Variants in CA10 observed in about 807,000 individuals in gnomAD.
The protein encoded by CA10 is carbonic anhydrase 10 (inactive).
CA10 carries 14 observed loss-of-function variants against 44.2 expected under a neutral mutation model. The observed-to-expected ratio is 0.32, with a 90% CI of 0.21 to 0.50. CA10 has a LOEUF of 0.50. Ranked by LOEUF, CA10 falls within the 20% of genes least tolerant of loss-of-function variation. The pLI is 0.99. For synonymous variants in CA10, 159 were observed against 141.6 expected, an observed-to-expected ratio of 1.12 and a Z score of -0.87; for missense variants, 350 against 409.7, an observed-to-expected ratio of 0.85 and a Z score of 1.26.
chr17:52,056,562 G>C (rs1408615454), intron 2 of CA10, among the ~76,000 whole-genome samples: 3 of 152,020 alleles, frequency 2.0e-5, no homozygotes, highest in Non-Finnish European at 2.9e-5. Flanking sequence ...TTTTAAGACT[G>C]TTATAGAAAC....
chr17:51,789,046 AT>A (rs948207763), intron 3 of CA10, among the ~76,000 whole-genome samples: 240 of 152,196 alleles, frequency 1.6e-3, no homozygotes, highest in African/African-American at 5.4e-3. Flanking sequence ...GTCTCTCTCA[AT>A]CACCCAGGCT....
At chr17:51,649,926 G>A (rs988255232) in intron 5 of CA10, among the ~76,000 whole-genome samples, 17 of 149,716 alleles carry the variant, frequency 1.1e-4, no homozygotes, top group Non-Finnish European at 1.6e-4. Flanking sequence ...TGCATGAATT[G>A]AGTATATCAT....
chr17:51,781,981 G>A (rs1471818528), intron 3 of CA10, among the ~76,000 whole-genome samples: 1 of 152,138 alleles, frequency 6.6e-6, no homozygotes, highest in Non-Finnish European at 1.5e-5. Context: ...GGCAGGACTG[G>A]GATTTGACTT....
intron 1 of CA10, among the ~76,000 whole-genome samples, chr17:52,149,501 T>A (rs1989658823): frequency 6.6e-6 from 1 of 152,172 alleles, no homozygotes; most frequent in Non-Finnish European, 1.5e-5. Flanking sequence ...ATAAAAGTGA[T>A]CCTAGATCAT....
chr17:51,901,279 G>A (rs1039415371), intron 3 of CA10, among the ~76,000 whole-genome samples: 2 of 152,048 alleles, frequency 1.3e-5, no homozygotes, highest in African/African-American at 4.8e-5. Context: ...TATTTTAGGG[G>A]GCAAAGGCTC....
chr17:51,807,712 A>C lies in CA10; in HGVS notation c.280-59894T>G, dbSNP rs1452250859. 2.0e-5 allele frequency among the ~76,000 whole-genome samples: 3 copies of C among 152,240 alleles called. No individual in the cohort carries two copies. The East Asian group carries it at 5.8e-4, about 29-fold the overall frequency. The stretch of plus-strand genomic sequence containing the variant: ...AATGAACTACTGCTTCACAAAACAA[A>C]CATGGGTAAATCTTAACAGATACAA... On this transcript the variant is annotated intron_variant, in intron 3 of 8. Coordinates refer to ENST00000451037, the MANE Select transcript of CA10 (RefSeq NM_020178.5).
At chr17:51,785,946 A>G (rs534165678) in intron 3 of CA10, among the ~76,000 whole-genome samples, 3 of 152,326 alleles carry the variant, frequency 2.0e-5, no homozygotes, top group South Asian at 4.1e-4. Context: ...AACATGGAAT[A>G]TCTTTCCACT....
At chr17:52,023,831 G>A (rs912811882) in intron 2 of CA10, among the ~76,000 whole-genome samples, 2 of 152,010 alleles carry the variant, frequency 1.3e-5, no homozygotes, top group African/African-American at 4.8e-5. Flanking sequence ...TGTGTTGAAT[G>A]AAGTCTGCAT....
intron 4 of CA10, among the ~76,000 whole-genome samples, chr17:51,696,327 C>T (rs1420044243): frequency 3.9e-5 from 6 of 152,168 alleles, no homozygotes; most frequent in African/African-American, 1.4e-4. Context: ...TTTTAAATTA[C>T]TGATTCAATT....
At chr17:51,664,813 A>G (rs8066303) in intron 4 of CA10, among the ~76,000 whole-genome samples, 124,331 of 152,202 alleles carry the variant, frequency 0.82, 51,119 homozygotes, top group Middle Eastern at 0.86. Flanking sequence ...TATTCATAAA[A>G]GTTTATAGCT....
intron 3 of CA10, among the ~76,000 whole-genome samples, chr17:51,769,715 A>C (rs1905526109): frequency 6.6e-6 from 1 of 152,162 alleles, no homozygotes; most frequent in Non-Finnish European, 1.5e-5. Flanking sequence ...ATAGCTAGTG[A>C]GTTAAACACT....
chr17:52,132,267 T>A (rs1989259319), intron 1 of CA10, among the ~76,000 whole-genome samples: 2 of 152,074 alleles, frequency 1.3e-5, no homozygotes. Flanking sequence ...AGAGGCAGAC[T>A]CAGAGGAAGA....
intron 4 of CA10, among the ~76,000 whole-genome samples, chr17:51,692,743 G>T (rs548819195): frequency 5.9e-5 from 9 of 152,272 alleles, no homozygotes; most frequent in Non-Finnish European, 1.2e-4. Flanking sequence ...TATGAATAAA[G>T]CTCCTATAAA....
chr17:52,012,742 T>C (rs1985838549), intron 2 of CA10, among the ~76,000 whole-genome samples: 1 of 151,974 alleles, frequency 6.6e-6, no homozygotes, highest in African/African-American at 2.4e-5. Context: ...AATTTTTCAA[T>C]ATCAAATAAT....
chr17:51,749,262 A>T (rs1447603882), intron 3 of CA10, among the ~76,000 whole-genome samples: 1 of 152,244 alleles, frequency 6.6e-6, no homozygotes, highest in Non-Finnish European at 1.5e-5. Flanking sequence ...CTATTTCTCT[A>T]CGTCGAGTCT....
At chr17:51,745,290 C>T (rs1904637662) in intron 4 of CA10, among the ~76,000 whole-genome samples, 1 of 152,138 alleles carries the variant, frequency 6.6e-6, no homozygotes, top group African/African-American at 2.4e-5. Flanking sequence ...GAAAGTTTTA[C>T]AAATGTACAA....
intron 2 of CA10, among the ~76,000 whole-genome samples, chr17:51,976,673 G>C (rs1381292345): frequency 6.6e-6 from 1 of 151,200 alleles, no homozygotes; most frequent in Admixed American, 6.6e-5. Context: ...TAAAAGCAAT[G>C]GTCTAAGATT....
intron 3 of CA10, among the ~76,000 whole-genome samples, chr17:51,876,584 C>T (rs1432602200): frequency 6.6e-6 from 1 of 152,054 alleles, no homozygotes; most frequent in Non-Finnish European, 1.5e-5. Context: ...TTGGCAGCAT[C>T]CTTGGATCTA....
intron 4 of CA10, among the ~76,000 whole-genome samples, chr17:51,708,138 C>A (rs1464584508): frequency 6.6e-6 from 1 of 152,110 alleles, no homozygotes; most frequent in Admixed American, 6.5e-5. Context: ...TTATTGAAGA[C>A]CAGTGTATTA....
Sources: allele counts gnomAD v4.1 joint callset (sites outside exome capture counted in the v4.1 genomes callset), GRCh38; gene constraint gnomAD v4.1.1; transcripts MANE v1.5; gene names NCBI Gene and HGNC (gene_info 2026-07-23, HGNC 2026-07-21).